The following ALG13 variants were observed in gnomAD, a reference collection of about 807,000 sequenced individuals.
ALG13 encodes the protein ALG13 UDP-N-acetylglucosaminyltransferase subunit.
ALG13 carries 11 observed loss-of-function variants against 87.8 expected under a neutral mutation model. The ratio of observed to expected loss-of-function variants is 0.13; its 90% confidence interval spans 0.08 to 0.21. ALG13 has a LOEUF of 0.21. Ranked by LOEUF, ALG13 falls within the 10% of genes least tolerant of loss-of-function variation. The probability of loss-of-function intolerance (pLI) is 1.00; values close to 1 mark genes in which losing one functional copy is unlikely to be tolerated. For synonymous variants in ALG13, 320 were observed against 306.3 expected, an observed-to-expected ratio of 1.04 and a Z score of -0.47; for missense variants, 756 against 866.1, an observed-to-expected ratio of 0.87 and a Z score of 1.60.
intron 3 of ALG13, among the ~76,000 whole-genome samples, chrX:111,691,211 C>G (rs763297739): frequency 6.3e-5 from 7 of 111,012 alleles, no homozygotes; most frequent in Non-Finnish European, 1.1e-4. Flanking sequence ...AGTGATTCTC[C>G]TGTCTCTGCC....
chrX:111,686,082 G>C, intron 3 of ALG13: 1 of 826,396 alleles, frequency 1.2e-6, no homozygotes, highest in East Asian at 4.0e-5. Context: ...AATTCAACAG[G>C]AACTGATCAT....
At position 111,744,728 on chromosome X, in the gene ALG13, C is replaced by CACA; in HGVS notation, c.2758_2759insAAC (p.Pro919_Pro920insGln). On this transcript the variant is annotated inframe_insertion, in exon 24 of 27. Coordinates refer to ENST00000394780, the MANE Select transcript of ALG13 (RefSeq NM_001099922.3). ...ATTCCTCATGCTGGTGCCTCTCTAC[C>CACA]ACCACCACCACCACCACCACCACCA... 1.1e-6 allele frequency: 1 copy of CACA among 946,973 alleles called. No individual in the cohort carries two copies. Among genetic ancestry groups the CACA allele is most frequent in the East Asian group, 3.8e-5 (1 of 26,289 alleles). The allele number at this position is 946,973 out of a possible 1,213,427, so 78.0% of individuals were successfully genotyped here.
intron 3 of ALG13, among the ~76,000 whole-genome samples, chrX:111,702,211 A>T (rs1266747691): frequency 8.9e-6 from 1 of 111,848 alleles, no homozygotes; most frequent in Non-Finnish European, 1.9e-5. Context: ...ATTCAAGTCT[A>T]ATGTTTCCTA....
chrX:111,725,187 C>T (rs191147083), intron 15 of ALG13, 126 bp downstream of exon 15: 337 of 814,538 alleles, frequency 4.1e-4, no homozygotes, highest in Non-Finnish European at 5.2e-4. Flanking sequence ...TCAACTTTAG[C>T]ATTACTGATA....
chrX:111,739,660 C>A (rs1313441414), intron 23 of ALG13, among the ~76,000 whole-genome samples: 2 of 112,276 alleles, frequency 1.8e-5, no homozygotes, highest in African/African-American at 6.5e-5. Flanking sequence ...AATTTTGTAT[C>A]CAGTCAAACT....
intron 23 of ALG13, among the ~76,000 whole-genome samples, chrX:111,742,306 G>A (rs1044706599): frequency 1.0e-4 from 11 of 110,535 alleles, no homozygotes; most frequent in African/African-American, 3.6e-4. Context: ...TGTGATGATT[G>A]CCTTCAAATA....
intron 3 of ALG13, 138 bp from the exon 4 acceptor site, chrX:111,707,889 C>G: frequency 1.4e-6 from 1 of 698,399 alleles, no homozygotes; most frequent in Non-Finnish European, 2.0e-6. Flanking sequence ...CAACCTTGGT[C>G]TGATTGGGTT....
chrX:111,727,278 C>A (rs1362692293), intron 16 of ALG13, 54 bp from the exon 17 acceptor site: 22 of 976,362 alleles, frequency 2.3e-5, no homozygotes, highest in Admixed American at 2.5e-5. Flanking sequence ...CAGAGACTGA[C>A]TACTTAGGTA....
chrX:111,748,975 C>T (rs768038456), intron 24 of ALG13, among the ~76,000 whole-genome samples: 3 of 110,232 alleles, frequency 2.7e-5, no homozygotes, highest in Non-Finnish European at 5.7e-5. Context: ...GCTAGTTACT[C>T]GGGAGGCTGA....
intron 24 of ALG13, among the ~76,000 whole-genome samples, chrX:111,751,029 T>C (rs187795815): frequency 1.0e-4 from 11 of 109,367 alleles, no homozygotes; most frequent in Non-Finnish European, 1.7e-4. Context: ...AACACTATTA[T>C]ACTCTTAAAA....
intron 24 of ALG13, among the ~76,000 whole-genome samples, chrX:111,747,528 C>T (rs1944352645): frequency 9.0e-6 from 1 of 111,453 alleles, no homozygotes; most frequent in African/African-American, 3.3e-5. Flanking sequence ...GCTCTGTCAC[C>T]CAGGCTGGAA....
chrX:111,721,845 A>G, intron 12 of ALG13, 134 bp downstream of exon 12: 1 of 422,415 alleles, frequency 2.4e-6, no homozygotes, highest in Non-Finnish European at 4.1e-6. Context: ...TACTTTATAT[A>G]TGATTTAAAT....
rs189931917 is a variant in ALG13, at chrX:111,726,877, A to G, written c.1798A>G (p.Met600Val). 89 of 1,209,304 alleles carry G rather than the reference A, an allele frequency of 7.4e-5. 1 individual carries two copies. Among genetic ancestry groups the G allele is most frequent in the East Asian group, 3.3e-4 (11 of 33,732 alleles). Reference sequence around the variant, plus strand: ...GAAAATTCGAGGGAAAGAAGTTTACATGACTATGGCTTACGGCAAGGGAGA... The same window carrying G: ...GAAAATTCGAGGGAAAGAAGTTTACGTGACTATGGCTTACGGCAAGGGAGA... ...FKKIRGKEVY[M>V]TMAYGKGDPL... Residue 600 changes from methionine (M) to valine (V), a missense_variant, in exon 16 of 27, where the codon ATG (methionine) becomes GTG (valine). Around this residue, in one of 9 missense-constraint regions of ALG13, gnomAD observed 362 missense variants for 383.5 expected, o/e 0.94. Transcript: ENST00000394780.
At chrX:111,714,133 A>G (rs1940216945) in intron 8 of ALG13, 1 of 111,142 alleles carries the variant, frequency 9.0e-6, no homozygotes, top group Non-Finnish European at 1.9e-5. Context: ...AGGAATAGAG[A>G]AGACTGAATA....
rs1396963495 is a variant in ALG13, at chrX:111,744,788, C to T, written c.2816C>T (p.Pro939Leu). 3.5e-6 allele frequency: 4 copies of T among 1,129,419 alleles called. No homozygotes were observed. The highest frequency in any genetic ancestry group is 6.6e-5 in the East Asian group (2 of 30,335). The allele number at this position is 1,129,419 out of a possible 1,213,427, so 93.1% of individuals were successfully genotyped here. Reference sequence around the variant, plus strand: ...CCACCACCTCCTCCTCCTCCTCCTCCTCCTCCTCCTCCTCCTCCTGCTCTT... The same window carrying T: ...CCACCACCTCCTCCTCCTCCTCCTCTTCCTCCTCCTCCTCCTCCTGCTCTT... Reference protein sequence around the residue: ...PPPPPPPPPPPPPPPPPALDV... With the variant: ...PPPPPPPPPPLPPPPPPALDV... The change falls in exon 24 of 27, where the codon CCT becomes CTT. Residue 939 changes from proline (P) to leucine (L), a missense_variant. Physicochemically the swap from Pro to Leu is moderately conservative, Grantham distance 98. Transcript: ENST00000394780.
At chrX:111,727,483 T>C in intron 17 of ALG13, 38 bp downstream of exon 17, 1 of 1,117,928 alleles carries the variant, frequency 8.9e-7, no homozygotes. Flanking sequence ...AATTGGTAAG[T>C]CTGATTTCAT....
intron 5 of ALG13, among the ~76,000 whole-genome samples, chrX:111,709,642 C>T (rs907679691): frequency 2.7e-5 from 3 of 110,102 alleles, no homozygotes; most frequent in Non-Finnish European, 5.7e-5. Context: ...TGTACACCTT[C>T]ATGTATTTGA....
At chrX:111,688,064 C>A in intron 3 of ALG13, 1 of 935,789 alleles carries the variant, frequency 1.1e-6, no homozygotes, top group South Asian at 4.6e-5. Flanking sequence ...GTGATTAAAT[C>A]AAATTAAATA....
intron 25 of ALG13, among the ~76,000 whole-genome samples, chrX:111,755,129 A>T (rs1460376308): frequency 8.9e-6 from 1 of 111,804 alleles, no homozygotes; most frequent in African/African-American, 3.3e-5. Context: ...AACACCACAC[A>T]TCTACAACCA....
Sources: allele counts gnomAD v4.1 joint callset (sites outside exome capture counted in the v4.1 genomes callset), GRCh38; gene constraint gnomAD v4.1.1; regional missense constraint gnomAD v4.1.1; transcripts MANE v1.5; gene names NCBI Gene and HGNC (gene_info 2026-07-23, HGNC 2026-07-21).